Variants in CPHXL2 observed in about 807,000 individuals in gnomAD.
CPHXL2 encodes cytoplasmic polyadenylated homeobox like 2.
the CPHXL2 span, among the ~76,000 whole-genome samples, chr16:75,661,519 C>G: frequency 4.6e-5 from 7 of 151,920 alleles, no homozygotes; most frequent in Non-Finnish European, 7.4e-5. Context: ...CCTAGGCTGT[C>G]TGGAATCTAT....
the CPHXL2 span, among the ~76,000 whole-genome samples, chr16:75,672,147 C>T: frequency 2.0e-5 from 3 of 151,390 alleles, no homozygotes; most frequent in African/African-American, 4.9e-5. Flanking sequence ...GTCATGGTGG[C>T]GGGTGCCTGT....
chr16:75,661,056 C>G, the CPHXL2 span: 1 of 400,800 alleles, frequency 2.5e-6, no homozygotes, highest in Non-Finnish European at 4.4e-6. Flanking sequence ...AAGGGAGCAA[C>G]CAGGTCTTCT....
At chr16:75,675,475 C>G in the CPHXL2 span, among the ~76,000 whole-genome samples, 1 of 151,952 alleles carries the variant, frequency 6.6e-6, no homozygotes, top group Non-Finnish European at 1.5e-5. Flanking sequence ...AAATAATCAT[C>G]TTTTCAACAA....
the CPHXL2 span, chr16:75,676,931 A>C: frequency 2.5e-6 from 1 of 398,534 alleles, no homozygotes; most frequent in Non-Finnish European, 4.4e-6. Context: ...CCTCATTTTC[A>C]TGGAAACAGT....
the CPHXL2 span, among the ~76,000 whole-genome samples, chr16:75,672,084 C>G: frequency 6.7e-6 from 1 of 150,050 alleles, no homozygotes; most frequent in Non-Finnish European, 1.5e-5. Context: ...CCAGCTTGGC[C>G]AACATGGTGA....
At chr16:75,675,101 A>C in the CPHXL2 span, among the ~76,000 whole-genome samples, 1 of 148,602 alleles carries the variant, frequency 6.7e-6, no homozygotes, top group Non-Finnish European at 1.5e-5. Flanking sequence ...AGGCAGGAGA[A>C]TCGCTTGAAC....
the CPHXL2 span, among the ~76,000 whole-genome samples, chr16:75,661,806 G>T: frequency 6.6e-6 from 1 of 152,096 alleles, no homozygotes; most frequent in East Asian, 1.9e-4. Context: ...TATATTTGTT[G>T]TATGACTCTG....
At chr16:75,665,909 G>T in the CPHXL2 span, among the ~76,000 whole-genome samples, 385 of 152,188 alleles carry the variant, frequency 2.5e-3, 5 homozygotes, top group Non-Finnish European at 2.5e-3. Flanking sequence ...ATAGCACAAT[G>T]AATGGAATAG....
the CPHXL2 span, among the ~76,000 whole-genome samples, chr16:75,662,222 G>T: frequency 2.6e-5 from 4 of 152,104 alleles, no homozygotes; most frequent in African/African-American, 9.6e-5. Context: ...GGGGGAAGGG[G>T]TGCAGAGCTT....
At chr16:75,666,631 A>G in the CPHXL2 span, among the ~76,000 whole-genome samples, 1 of 148,306 alleles carries the variant, frequency 6.7e-6, no homozygotes. Flanking sequence ...AAAAAAAAAA[A>G]ATGGAGGACA....
chr16:75,664,696 A>G, the CPHXL2 span, among the ~76,000 whole-genome samples: 1 of 152,100 alleles, frequency 6.6e-6, no homozygotes. Context: ...ACATGGCAGC[A>G]CTGAGAGGTG....
the CPHXL2 span, among the ~76,000 whole-genome samples, chr16:75,674,041 C>T: frequency 5.6e-5 from 8 of 141,796 alleles, no homozygotes; most frequent in East Asian, 2.1e-4. Flanking sequence ...ATCAAAAAGA[C>T]GAAAATACTT....
the CPHXL2 span, chr16:75,660,822 G>C: frequency 6.8e-4 from 270 of 398,650 alleles, no homozygotes; most frequent in Non-Finnish European, 1.1e-3. Context: ...ATAGGCAGTA[G>C]AATGCTCACT....
chr16:75,676,540 T>C, the CPHXL2 span, among the ~76,000 whole-genome samples: 1 of 152,172 alleles, frequency 6.6e-6, no homozygotes, highest in African/African-American at 2.4e-5. Context: ...TAGGCTTGTC[T>C]CAAACTTCTG....
the CPHXL2 span, among the ~76,000 whole-genome samples, chr16:75,665,131 A>C: frequency 6.6e-6 from 1 of 152,218 alleles, no homozygotes; most frequent in Admixed American, 6.5e-5. Flanking sequence ...ACAAGCTCAA[A>C]GAACATCTGG....
chr16:75,674,726 T>G, the CPHXL2 span, among the ~76,000 whole-genome samples: 11 of 152,052 alleles, frequency 7.2e-5, no homozygotes, highest in Admixed American at 3.9e-4. Context: ...ATATTATTAT[T>G]TGAGACAGAG....
the CPHXL2 span, among the ~76,000 whole-genome samples, chr16:75,668,367 T>C: frequency 2.7e-4 from 41 of 152,048 alleles, no homozygotes; most frequent in East Asian, 1.7e-3. Flanking sequence ...TAGCTGAGAT[T>C]ACAGGCACGC....
chr16:75,663,562 A>T, the CPHXL2 span, among the ~76,000 whole-genome samples: 2 of 152,156 alleles, frequency 1.3e-5, no homozygotes, highest in Admixed American at 1.3e-4. Flanking sequence ...GGGATTACTG[A>T]TAAAACAGTC....
the CPHXL2 span, among the ~76,000 whole-genome samples, chr16:75,675,266 C>T: frequency 6.6e-6 from 1 of 150,938 alleles, no homozygotes; most frequent in Non-Finnish European, 1.5e-5. Flanking sequence ...GTGATCTGCC[C>T]GACTTGGCCT....
Sources: allele counts gnomAD v4.1 joint callset (sites outside exome capture counted in the v4.1 genomes callset), GRCh38; gene constraint gnomAD v4.1.1; transcripts MANE v1.5; gene names NCBI Gene and HGNC (gene_info 2026-07-23, HGNC 2026-07-21).